Variants in KALRN observed in about 807,000 individuals in gnomAD.
KALRN encodes kalirin RhoGEF kinase.
KALRN carries 70 observed loss-of-function variants against 353.7 expected under a neutral mutation model. That is an observed-to-expected ratio of 0.20 (90% CI 0.16 to 0.24). The LOEUF (loss-of-function observed/expected upper bound fraction) is 0.24, where lower values mean the gene tolerates loss of function less well. Among genes scored for constraint, KALRN ranks in the 10% least tolerant of loss-of-function variants. The pLI, the probability that KALRN is intolerant of heterozygous loss-of-function variation, is 1.00. For synonymous variants in KALRN, 1,391 were observed against 1,434.8 expected, an observed-to-expected ratio of 0.97 and a Z score of 0.69; for missense variants, 2,791 against 3,756.7, an observed-to-expected ratio of 0.74 and a Z score of 6.72.
intron 33 of KALRN, among the ~76,000 whole-genome samples, chr3:124,549,766 T>C (rs1360399888): frequency 6.6e-6 from 1 of 152,032 alleles, no homozygotes. Context: ...TTGAGAGTTG[T>C]ACTTGACCTC....
chr3:124,126,815 T>C (rs2064733427), intron 1 of KALRN, among the ~76,000 whole-genome samples: 1 of 152,194 alleles, frequency 6.6e-6, no homozygotes, highest in Non-Finnish European at 1.5e-5. Context: ...ACATGGCAAA[T>C]GGCCAAGAAA....
chr3:124,577,047 G>T (rs1295836927), intron 34 of KALRN, among the ~76,000 whole-genome samples: 1 of 152,132 alleles, frequency 6.6e-6, no homozygotes, highest in African/African-American at 2.4e-5. Flanking sequence ...GCTCAGTACA[G>T]ATATCCAGGA....
intron 17 of KALRN, 36 bp from the exon 18 acceptor site, chr3:124,438,852 T>C (rs2093569375): frequency 6.3e-7 from 1 of 1,583,606 alleles, no homozygotes; most frequent in African/African-American, 1.3e-5. Context: ...TCCTGAATAA[T>C]TAATTTACTG....
chr3:124,530,188 C>T (rs2067923356), intron 33 of KALRN, among the ~76,000 whole-genome samples: 1 of 152,110 alleles, frequency 6.6e-6, no homozygotes, highest in Non-Finnish European at 1.5e-5. Context: ...TCCAAAAATA[C>T]ATAAAAGGGA....
chr3:124,608,507 C>T (rs989379011), intron 34 of KALRN, among the ~76,000 whole-genome samples: 9 of 152,110 alleles, frequency 5.9e-5, no homozygotes, highest in African/African-American at 1.9e-4. Flanking sequence ...TGGAAGTCAG[C>T]GGAGAACTTA....
chr3:124,506,257 A>G (rs1561170001), intron 33 of KALRN, among the ~76,000 whole-genome samples: 1 of 152,178 alleles, frequency 6.6e-6, no homozygotes. Context: ...TCAGACCAGG[A>G]CAGATGTCCA....
At chr3:124,430,801 T>C in intron 16 of KALRN, 26 bp downstream of exon 16, 1 of 1,609,368 alleles carries the variant, frequency 6.2e-7, no homozygotes, top group Non-Finnish European at 8.5e-7. Flanking sequence ...GGCTGCACTG[T>C]CCTCCCTTCG....
chr3:124,359,406 TG>T (rs1304560093), intron 10 of KALRN, among the ~76,000 whole-genome samples: 1 of 152,238 alleles, frequency 6.6e-6, no homozygotes, highest in African/African-American at 2.4e-5. Flanking sequence ...TTTTACCTTT[TG>T]CTGAAATTAA....
At chr3:124,467,392 A>C (rs936934381) in intron 25 of KALRN, among the ~76,000 whole-genome samples, 1 of 152,198 alleles carries the variant, frequency 6.6e-6, no homozygotes, top group Non-Finnish European at 1.5e-5. Flanking sequence ...GGGTTCTGAG[A>C]ATGACATATC....
At chr3:124,048,369 G>C (rs1199160775) in intron 1 of KALRN, among the ~76,000 whole-genome samples, 1 of 152,002 alleles carries the variant, frequency 6.6e-6, no homozygotes, top group South Asian at 2.1e-4. Context: ...TATACAAATG[G>C]ATAGCTTTTT....
intron 10 of KALRN, among the ~76,000 whole-genome samples, chr3:124,375,668 T>C (rs1424665662): frequency 6.6e-6 from 1 of 152,232 alleles, no homozygotes; most frequent in Non-Finnish European, 1.5e-5. Flanking sequence ...GGATTGACTT[T>C]GCCTTTTAAT....
chr3:124,367,551 G>T (rs1576337582), intron 10 of KALRN, among the ~76,000 whole-genome samples: 2 of 77,146 alleles, frequency 2.6e-5, no homozygotes, highest in Non-Finnish European at 2.5e-5. Flanking sequence ...GCGGCTGGCC[G>T]GGCAGAGGGG....
At chr3:124,480,416 G>A (rs1190258714) in intron 27 of KALRN, among the ~76,000 whole-genome samples, 1 of 152,036 alleles carries the variant, frequency 6.6e-6, no homozygotes, top group African/African-American at 2.4e-5. Flanking sequence ...CCCATAACAA[G>A]TCCTATCTAG....
chr3:124,279,001 C>T (rs2075072844), intron 5 of KALRN, among the ~76,000 whole-genome samples: 1 of 152,206 alleles, frequency 6.6e-6, no homozygotes, highest in Non-Finnish European at 1.5e-5. Flanking sequence ...CCTTCTTGGT[C>T]CCTGTCCTGG....
intron 1 of KALRN, among the ~76,000 whole-genome samples, chr3:124,138,026 T>A (rs2066146790): frequency 6.6e-6 from 1 of 152,088 alleles, no homozygotes; most frequent in Non-Finnish European, 1.5e-5. Flanking sequence ...CCCTGGACAT[T>A]CCCAGGGATC....
Position 124,491,388 on chromosome 3 carries a change from G to T in KALRN, c.4653G>T (p.Gly1551=), listed in dbSNP as rs1013663934. 6.2e-7 allele frequency: 1 copy of T among 1,610,102 alleles called. No homozygotes were observed. Among genetic ancestry groups the T allele is most frequent in the South Asian group, 1.1e-5 (1 of 90,380 alleles). ...GDPCKFALWS[G]RTPSSDNKTV... ...CCTGCAAATTCGCCTTGTGGTCTGG[G>T]CGCACCCCATCCTCAGACAATAAAA... The change falls in exon 31 of 60, where the codon GGG becomes GGT. Residue 1551 remains glycine, a synonymous_variant. Transcript: ENST00000682506.
chr3:124,206,475 T>G (rs1253892012), intron 1 of KALRN, among the ~76,000 whole-genome samples: 2 of 152,218 alleles, frequency 1.3e-5, no homozygotes, highest in Non-Finnish European at 2.9e-5. Context: ...GAAGAGAGAA[T>G]GAGCTTGGTA....
intron 21 of KALRN, among the ~76,000 whole-genome samples, chr3:124,451,315 A>G (rs552907737): frequency 6.6e-6 from 1 of 152,094 alleles, no homozygotes; most frequent in East Asian, 1.9e-4. Flanking sequence ...AAAAAAATAG[A>G]ATTACTGAAC....
At chr3:124,654,016 GAT>G (rs375646396) in intron 38 of KALRN, among the ~76,000 whole-genome samples, 21 of 152,208 alleles carry the variant, frequency 1.4e-4, no homozygotes, top group African/African-American at 4.8e-4. Context: ...AGAAGCCAAA[GAT>G]AGCCCTCATC....
Sources: allele counts gnomAD v4.1 joint callset (sites outside exome capture counted in the v4.1 genomes callset), GRCh38; gene constraint gnomAD v4.1.1; transcripts MANE v1.5; gene names NCBI Gene and HGNC (gene_info 2026-07-23, HGNC 2026-07-21).